NIPBL: variants seen among roughly 807,000 people sequenced by gnomAD.
NIPBL encodes the protein NIPBL cohesin loading factor.
NIPBL carries 19 observed loss-of-function variants against 321.8 expected under a neutral mutation model. That is an observed-to-expected ratio of 0.06 (90% CI 0.04 to 0.09). The LOEUF is 0.09. Ranked by LOEUF, NIPBL falls within the 10% of genes least tolerant of loss-of-function variation. The probability of loss-of-function intolerance (pLI) is 1.00; values close to 1 mark genes in which losing one functional copy is unlikely to be tolerated. For missense variants in NIPBL, 2,210 were observed against 3,327.0 expected (o/e 0.66, Z 8.26); for synonymous variants, 1,106 against 1,114.1 (o/e 0.99, Z 0.14).
chr5:37,014,584 T>C, intron 21 of NIPBL, 99 bp from the exon 22 acceptor site: 1 of 742,660 alleles, frequency 1.3e-6, no homozygotes, highest in Non-Finnish European at 2.4e-6. Flanking sequence ...CATTTTAGTA[T>C]TTAAATATAT....
intron 1 of NIPBL, among the ~76,000 whole-genome samples, chr5:36,940,622 T>C (rs555839882): frequency 1.3e-5 from 2 of 152,276 alleles, no homozygotes; most frequent in East Asian, 3.9e-4. Context: ...TTACCTTCTT[T>C]TTTTCTCTTG....
chr5:37,029,074 T>C (rs1561182804), intron 32 of NIPBL, among the ~76,000 whole-genome samples: 1 of 152,180 alleles, frequency 6.6e-6, no homozygotes, highest in Middle Eastern at 3.2e-3. Context: ...GACAAATACC[T>C]CATAGGTGGT....
At chr5:37,004,218 T>C (rs565853295) in intron 16 of NIPBL, among the ~76,000 whole-genome samples, 3 of 152,296 alleles carry the variant, frequency 2.0e-5, no homozygotes, top group African/African-American at 7.2e-5. Flanking sequence ...AGCAACATGC[T>C]TGCAATGGTT....
At chr5:37,043,221 C>A in intron 34 of NIPBL, among the ~76,000 whole-genome samples, 1 of 151,978 alleles carries the variant, frequency 6.6e-6, no homozygotes, top group East Asian at 1.9e-4. Flanking sequence ...CATAGTGAGA[C>A]CCTGTCTCTA....
rs1247771838 is a variant in NIPBL, at chr5:37,020,575, A to G, written c.5127A>G (p.Glu1709=). ...ESSEGTHHAK[E]IETTGQIMHR... The stretch of plus-strand genomic sequence containing the variant: ...CTGAAGGAACACATCATGCAAAGGA[A>G]ATTGAGACAACTGGCCAAATTATGC... Residue 1709 remains glutamate (E), a synonymous_variant, in exon 26 of 47, where the codon GAA becomes GAG. Transcript: ENST00000282516. The G allele has an allele frequency of 1.9e-6, 3 of 1,614,142 alleles. No homozygotes were observed. The highest frequency in any genetic ancestry group is 2.5e-6 in the Non-Finnish European group (3 of 1,180,004).
rs775991611 is a variant in NIPBL, at chr5:37,057,179, T to C, written c.7264-7T>C. The C allele has an allele frequency of 1.9e-6, 3 of 1,612,982 alleles. No homozygotes were observed. Among genetic ancestry groups the C allele is most frequent in the Admixed American group, 3.3e-5 (2 of 60,006 alleles). On this transcript the variant is annotated splice_region_variant and splice_polypyrimidine_tract_variant and intron_variant, in intron 42 of 46. Coordinates refer to ENST00000282516, the MANE Select transcript of NIPBL (RefSeq NM_133433.4). ...TAAACATGTGTGCTTTTTCTTAAAA[T>C]TTACAGAAAACAGACGTGACTATGC...
chr5:37,058,922 A>T lies in NIPBL; in HGVS notation c.7442A>T (p.Lys2481Ile), dbSNP rs1366252194. The change falls in exon 44 of 47, where the codon AAA (lysine) becomes ATA (isoleucine). Residue 2481 changes from lysine to isoleucine, a missense_variant. By Grantham distance (102) the Lys-to-Ile change is moderately radical. This residue lies in a region of NIPBL where 79 missense variants were observed against 90.8 expected (regional missense o/e 0.87). Coordinates refer to ENST00000282516, the MANE Select transcript of NIPBL (RefSeq NM_133433.4). ...GTAAAGGACAAAAGGAAAGAGAGAA[A>T]ATCATCACCTAGTAAGGAAAATGAG... is the stretch of plus-strand genomic sequence containing the variant. ...SMVKDKRKERKSSPSKENESS... is the reference protein window; with the variant it reads ...SMVKDKRKERISSPSKENESS... The T allele has an allele frequency of 6.2e-7, 1 of 1,614,130 alleles. No individual in the cohort carries two copies. The highest frequency in any genetic ancestry group is 8.5e-7 in the Non-Finnish European group (1 of 1,180,014).
intron 1 of NIPBL, among the ~76,000 whole-genome samples, chr5:36,923,474 G>C (rs1467404197): frequency 2.2e-4 from 33 of 151,996 alleles, no homozygotes; most frequent in Non-Finnish European, 4.4e-5. Context: ...ATTGTTGTTA[G>C]TTATTATTAA....
intron 1 of NIPBL, 52 bp from the exon 2 acceptor site, chr5:36,953,566 G>A (rs1740637346): frequency 2.5e-6 from 2 of 794,034 alleles, no homozygotes; most frequent in South Asian, 1.5e-5. Flanking sequence ...TTTCCTGATA[G>A]TAATATATCT....
chr5:36,972,346 A>G (rs1394779180), intron 8 of NIPBL, among the ~76,000 whole-genome samples: 3 of 152,036 alleles, frequency 2.0e-5, no homozygotes, highest in Admixed American at 2.0e-4. Flanking sequence ...AACATTTGAA[A>G]ATTTTGATCA....
chr5:36,908,935 G>T (rs1384626318), intron 1 of NIPBL, among the ~76,000 whole-genome samples: 1 of 152,198 alleles, frequency 6.6e-6, no homozygotes, highest in East Asian at 1.9e-4. Flanking sequence ...ATACTTTACA[G>T]AGCTATTATT....
chr5:37,043,804 G>A (rs187035029), intron 34 of NIPBL, among the ~76,000 whole-genome samples: 83 of 152,306 alleles, frequency 5.4e-4, no homozygotes, highest in African/African-American at 2.0e-3. Flanking sequence ...GACAGGACTA[G>A]ATGATTCTTT....
intron 1 of NIPBL, among the ~76,000 whole-genome samples, chr5:36,904,274 G>A (rs969692189): frequency 6.6e-6 from 1 of 152,224 alleles, no homozygotes; most frequent in African/African-American, 2.4e-5. Flanking sequence ...TTTGAGCCCA[G>A]CCTGGCCAAC....
At chr5:37,002,548 A>G (rs963082218) in intron 14 of NIPBL, 114 bp from the exon 15 acceptor site, 2 of 726,948 alleles carry the variant, frequency 2.8e-6, no homozygotes, top group African/African-American at 1.8e-5. Context: ...GAGGCGTCTT[A>G]GGTTATTTGT....
intron 38 of NIPBL, among the ~76,000 whole-genome samples, chr5:37,047,158 A>G (rs1413864251): frequency 6.6e-6 from 1 of 152,208 alleles, no homozygotes; most frequent in Non-Finnish European, 1.5e-5. Flanking sequence ...ATTTTATATC[A>G]GGGACTTGAG....
chr5:36,965,035 T>C (rs1418047904), intron 6 of NIPBL, among the ~76,000 whole-genome samples: 4 of 152,170 alleles, frequency 2.6e-5, no homozygotes, highest in Admixed American at 1.3e-4. Context: ...TAGTGAATAC[T>C]GGTGAGGATG....
chr5:36,880,268 A>C (rs1250897458), intron 1 of NIPBL, among the ~76,000 whole-genome samples: 1 of 152,046 alleles, frequency 6.6e-6, no homozygotes, highest in African/African-American at 2.4e-5. Context: ...ATATTTGAAC[A>C]TATCTGTGTT....
At chr5:36,951,846 T>C (rs577358109) in intron 1 of NIPBL, among the ~76,000 whole-genome samples, 2 of 152,238 alleles carry the variant, frequency 1.3e-5, no homozygotes, top group Admixed American at 1.3e-4. Context: ...GTAATGTTTT[T>C]TCCCTTAGCT....
intron 4 of NIPBL, among the ~76,000 whole-genome samples, chr5:36,959,594 G>A (rs1204225616): frequency 6.6e-6 from 1 of 152,210 alleles, no homozygotes; most frequent in Admixed American, 6.5e-5. Flanking sequence ...TGGAAAGAGA[G>A]TTGAGTGGAA....
Sources: allele counts gnomAD v4.1 joint callset (sites outside exome capture counted in the v4.1 genomes callset), GRCh38; gene constraint gnomAD v4.1.1; regional missense constraint gnomAD v4.1.1; transcripts MANE v1.5; gene names NCBI Gene and HGNC (gene_info 2026-07-23, HGNC 2026-07-21).